Variants in MYEF2 observed in about 807,000 individuals in gnomAD.
MYEF2 encodes myelin expression factor 2, also known as myelin gene expression factor 2.
A neutral mutation model predicts 75.2 loss-of-function variants in MYEF2; 37 were observed. The observed-to-expected ratio is 0.49, with a 90% CI of 0.38 to 0.65. MYEF2 has a LOEUF of 0.65. MYEF2 is among the 30% of genes least tolerant of loss of function. The probability of loss-of-function intolerance (pLI) is 0.00; values close to 1 mark genes in which losing one functional copy is unlikely to be tolerated. For missense variants in MYEF2, 634 were observed against 771.4 expected, an observed-to-expected ratio of 0.82 and a Z score of 2.11; for synonymous variants, 195 against 241.6, an observed-to-expected ratio of 0.81 and a Z score of 1.79.
intron 1 of MYEF2, among the ~76,000 whole-genome samples, chr15:48,173,789 C>T (rs367890894): frequency 1.3e-5 from 2 of 151,722 alleles, no homozygotes; most frequent in East Asian, 3.9e-4. Context: ...ATAAATTTAA[C>T]CAAGAAAGCT....
intron 1 of MYEF2, among the ~76,000 whole-genome samples, chr15:48,173,011 A>C (rs1452675970): frequency 1.3e-5 from 2 of 152,190 alleles, no homozygotes; most frequent in Admixed American, 6.5e-5. Context: ...GGCCAAGATT[A>C]CCCTGATAAC....
Position 48,141,584 on chromosome 15 carries a change from A to T in MYEF2, c.*1324T>A, listed in dbSNP as rs2039088187. 6.3e-6 allele frequency: 1 copy of T among 159,820 alleles called. No homozygotes were observed. Among genetic ancestry groups the T allele is most frequent in the Non-Finnish European group, 1.3e-5 (1 of 74,430 alleles). The allele number at this position is 159,820 out of a possible 1,614,324, so 9.9% of individuals were successfully genotyped here. Reference sequence around the variant, plus strand: ...AACAGAGCGAGACTGTGTCTCAAAAAACAAAAACCAAAAAAAAAAAAAAAA... The same window carrying T: ...AACAGAGCGAGACTGTGTCTCAAAATACAAAAACCAAAAAAAAAAAAAAAA... On this transcript the variant is annotated 3_prime_UTR_variant, in exon 17 of 17. Transcript: ENST00000324324.
chr15:48,170,386 A>G (rs550375215), intron 1 of MYEF2, among the ~76,000 whole-genome samples: 1 of 152,262 alleles, frequency 6.6e-6, no homozygotes, highest in East Asian at 1.9e-4. Flanking sequence ...TCGGCCTCCC[A>G]AAGTGCTGGG....
chr15:48,150,951 C>G (rs940762634), intron 14 of MYEF2, 149 bp downstream of exon 14: 2 of 467,266 alleles, frequency 4.3e-6, no homozygotes. Flanking sequence ...AACAGAAAGG[C>G]TTTGCTCAAT....
chr15:48,154,128 A>G (rs899037012), intron 9 of MYEF2: 4 of 380,006 alleles, frequency 1.1e-5, no homozygotes, highest in African/African-American at 4.1e-5. Context: ...AATACAAAGT[A>G]CACCTTATAC....
At chr15:48,147,178 T>C (rs2140816178) in intron 16 of MYEF2, among the ~76,000 whole-genome samples, 1 of 152,052 alleles carries the variant, frequency 6.6e-6, no homozygotes. Flanking sequence ...TTTGAATGTT[T>C]TTTCCTTTCA....
chr15:48,141,313 T>C lies in MYEF2; in HGVS notation c.*1595A>G. On this transcript the variant is annotated 3_prime_UTR_variant, in exon 17 of 17. Transcript: ENST00000324324. ...TTTACTTCCAGCCGGGTGTGGTGGC[T>C]CGCGCCTGTAATCCCAGGATTTTGG... 1.0e-6 allele frequency: 1 copy of C among 963,558 alleles called. No individual in the cohort carries two copies. The highest frequency in any genetic ancestry group is 1.6e-6 in the Non-Finnish European group (1 of 638,330). 59.7% of individuals were successfully genotyped at this position (963,558 alleles called of 1,614,324 possible).
At chr15:48,145,737 T>G (rs2039257825) in intron 16 of MYEF2, among the ~76,000 whole-genome samples, 1 of 151,786 alleles carries the variant, frequency 6.6e-6, no homozygotes, top group Non-Finnish European at 1.5e-5. Context: ...CAACCACGGA[T>G]GAAAACAGGA....
rs1016634798 is a variant in MYEF2 at position 48,137,162 on chromosome 15, G to A, written c.*5746C>T. ...AAAATAGCTAAAGTATGAACGTTAA[G>A]TACCATAAAAAGAGAAAAATAAAGT... On this transcript the variant is annotated 3_prime_UTR_variant, in exon 17 of 17. Coordinates refer to ENST00000324324, the MANE Select transcript of MYEF2 (RefSeq NM_016132.5). The A allele has an allele frequency of 1.8e-6, 1 of 549,790 alleles. No individual in the cohort carries two copies. 34.1% of individuals were successfully genotyped at this position (549,790 alleles called of 1,614,324 possible). A position where few individuals can be genotyped will look rare whatever the true frequency, so the allele number is the denominator to read the frequency against.
chr15:48,167,399 C>T lies in MYEF2; in HGVS notation c.373G>A (p.Gly125Ser). 1 of 1,612,780 alleles carries T rather than the reference C, an allele frequency of 6.2e-7. No homozygotes were observed. The highest frequency in any genetic ancestry group is 8.5e-7 in the Non-Finnish European group (1 of 1,178,970). Reference sequence around the variant, plus strand: ...AAGAGCTCCACGTATGTAACCTCACCAACTACATAAGACATACAAAAGGAA... The same window carrying T: ...AAGAGCTCCACGTATGTAACCTCACTAACTACATAAGACATACAAAAGGAA... ...AIKDLMREKV[G>S]EVTYVELFKD... Residue 125 changes from glycine to serine, a missense_variant and splice_region_variant, in exon 3 of 17, where the codon GGT becomes AGT. Coordinates refer to ENST00000324324, the MANE Select transcript of MYEF2 (RefSeq NM_016132.5).
chr15:48,149,304 G>A lies in MYEF2; in HGVS notation c.1446C>T (p.Ser482=), dbSNP rs181108515. The change falls in exon 15 of 17, where the codon TCC becomes TCT. Residue 482 remains serine, a synonymous_variant. Transcript: ENST00000324324. The surrounding 1 kb of genome is among the most constrained non-coding windows in gnomAD (Gnocchi z 4.0). ...TACCTGGTCCCATTCTATCAAAGCT[G>A]GAACTCATCCGGTCCAGTCCCATCC... The part of the protein sequence containing the change: ...GMGMGLDRMS[S]SFDRMGPGIG... 56 of 1,613,020 alleles carry A rather than the reference G, an allele frequency of 3.5e-5. No individual in the cohort carries two copies. Among genetic ancestry groups the A allele is most frequent in the Admixed American group, 3.3e-4 (20 of 59,890 alleles).
intron 14 of MYEF2, among the ~76,000 whole-genome samples, chr15:48,150,593 T>C (rs1253290495): frequency 6.6e-6 from 1 of 151,992 alleles, no homozygotes; most frequent in Non-Finnish European, 1.5e-5. Context: ...GTGTTGCAAC[T>C]ACTCTTGATG....
Position 48,138,969 on chromosome 15 carries a change from A to G in MYEF2, c.*3939T>C. On this transcript the variant is annotated 3_prime_UTR_variant, in exon 17 of 17. Coordinates refer to ENST00000324324, the MANE Select transcript of MYEF2 (RefSeq NM_016132.5). ...AAAGTGTTTACTTTTTCCACAACAG[A>G]TCCACCAAGTGTTTTCAACATGCCT... The G allele has an allele frequency of 6.2e-7, 1 of 1,609,634 alleles. No homozygotes were observed. The highest frequency in any genetic ancestry group is 8.5e-7 in the Non-Finnish European group (1 of 1,177,912).
Position 48,134,856 on chromosome 15 carries a change from A to C in MYEF2, c.*8052T>G, listed in dbSNP as rs757159427. 1.5e-5 allele frequency: 22 copies of C among 1,504,760 alleles called. No homozygotes were observed. The highest frequency in any genetic ancestry group is 1.9e-5 in the Non-Finnish European group (21 of 1,089,734). 93.2% of individuals were successfully genotyped at this position (1,504,760 alleles called of 1,614,324 possible). ...TTGTACTTGAAGAAGTTACAATGTA[A>C]TGGAAATAATAACTTACCATATTAC... On this transcript the variant is annotated 3_prime_UTR_variant, in exon 17 of 17. Transcript: ENST00000324324.
Position 48,136,860 on chromosome 15 carries a change from A to G in MYEF2, c.*6048T>C. ...TGGGCTGGGAAGATGAAGGTCAACC[A>G]TTCATTCGTCGGCAATCAAGAACTG... On this transcript the variant is annotated 3_prime_UTR_variant, in exon 17 of 17. Coordinates refer to ENST00000324324, the MANE Select transcript of MYEF2 (RefSeq NM_016132.5). The G allele has an allele frequency of 6.2e-7, 1 of 1,613,842 alleles. No homozygotes were observed. Among genetic ancestry groups the G allele is most frequent in the Non-Finnish European group, 8.5e-7 (1 of 1,179,806 alleles).
intron 14 of MYEF2, among the ~76,000 whole-genome samples, chr15:48,150,840 A>G (rs2039465366): frequency 6.6e-6 from 1 of 152,132 alleles, no homozygotes; most frequent in African/African-American, 2.4e-5. Flanking sequence ...CAGATTCCTT[A>G]GTTGGAAAGA....
intron 1 of MYEF2, among the ~76,000 whole-genome samples, chr15:48,171,364 A>G (rs550411872): frequency 6.6e-6 from 1 of 152,314 alleles, no homozygotes; most frequent in East Asian, 1.9e-4. Flanking sequence ...AGTACTTACA[A>G]TGTTCTATTC....
intron 16 of MYEF2, among the ~76,000 whole-genome samples, chr15:48,147,526 T>C (rs2039333116): frequency 6.6e-6 from 1 of 151,938 alleles, no homozygotes; most frequent in Admixed American, 6.6e-5. Flanking sequence ...AGACCCTATA[T>C]ACATTCTTTC....
chr15:48,159,678 T>C lies in MYEF2; in HGVS notation c.652A>G (p.Ile218Val). The change falls in exon 6 of 17, where the codon ATT becomes GTT. Residue 218 changes from isoleucine to valine, a missense_variant. Ile to Val is a conservative substitution (Grantham distance 29). Coordinates refer to ENST00000324324, the MANE Select transcript of MYEF2 (RefSeq NM_016132.5). ...AAATTACTGATGACTTCAGGAGGAA[T>C]GTTTGGATTATTGAGTATGGAAGGT... is the stretch of plus-strand genomic sequence containing the variant. Reference protein sequence around the residue: ...LPPSILNNPNIPPEVISNLQA... With the variant: ...LPPSILNNPNVPPEVISNLQA... 1 of 1,613,736 alleles carries C rather than the reference T, an allele frequency of 6.2e-7. No homozygotes were observed.
Sources: allele counts gnomAD v4.1 joint callset (sites outside exome capture counted in the v4.1 genomes callset), GRCh38; gene constraint gnomAD v4.1.1; non-coding constraint Gnocchi (gnomAD v3.1); transcripts MANE v1.5; gene names NCBI Gene and HGNC (gene_info 2026-07-23, HGNC 2026-07-21).